GABRA2: variants seen among roughly 807,000 people sequenced by gnomAD.
The protein encoded by GABRA2 is gamma-aminobutyric acid receptor subunit alpha-2.
In GABRA2, 16 loss-of-function variants were observed where a neutral mutation model predicts 48.7. The observed-to-expected ratio is 0.33, with a 90% CI of 0.22 to 0.50. The LOEUF is 0.50. Among genes scored for constraint, GABRA2 ranks in the 20% least tolerant of loss-of-function variants. GABRA2 has a pLI of 0.98. For missense variants in GABRA2, 275 were observed against 535.6 expected (o/e 0.51, Z 4.80); for synonymous variants, 185 against 184.5 (o/e 1.00, Z -0.02).
intron 9 of GABRA2, among the ~76,000 whole-genome samples, chr4:46,253,827 GC>G (rs1308765513): frequency 4.0e-5 from 6 of 151,468 alleles, no homozygotes; most frequent in Non-Finnish European, 8.9e-5. Flanking sequence ...GCACAGCAAA[GC>G]TTTTCTGGCT....
intron 9 of GABRA2, among the ~76,000 whole-genome samples, chr4:46,252,271 T>C (rs1312192361): frequency 6.6e-6 from 1 of 151,492 alleles, no homozygotes; most frequent in Non-Finnish European, 1.5e-5. Context: ...TTTGTAACTT[T>C]GTAAAAGCTA....
intron 8 of GABRA2, 77 bp from the exon 9 acceptor site, chr4:46,262,205 C>T (rs1030947668): frequency 3.7e-6 from 4 of 1,091,410 alleles, no homozygotes; most frequent in East Asian, 2.5e-5. Context: ...TTTCTTTCTC[C>T]CTCCAGCCCC....
chr4:46,377,608 G>T (rs1180509083), intron 3 of GABRA2, among the ~76,000 whole-genome samples: 2 of 150,742 alleles, frequency 1.3e-5, no homozygotes, highest in Non-Finnish European at 3.0e-5. Context: ...GGAGGTGGGG[G>T]GTCAGCCCCC....
intron 8 of GABRA2, among the ~76,000 whole-genome samples, chr4:46,273,687 T>A (rs1398104788): frequency 6.6e-6 from 1 of 151,910 alleles, no homozygotes; most frequent in Non-Finnish European, 1.5e-5. Flanking sequence ...TATCTGTCAC[T>A]TAACGACTGT....
chr4:46,263,024 T>C (rs1013369176), intron 8 of GABRA2, among the ~76,000 whole-genome samples: 1 of 138,412 alleles, frequency 7.2e-6, no homozygotes, highest in Non-Finnish European at 1.5e-5. Context: ...TATGTTGCTT[T>C]CCTCTGAGAC....
chr4:46,372,806 T>C (rs940642805), intron 3 of GABRA2, among the ~76,000 whole-genome samples: 1 of 151,354 alleles, frequency 6.6e-6, no homozygotes, highest in Non-Finnish European at 1.5e-5. Context: ...CAGACAGAAG[T>C]ATGTAAAGTG....
chr4:46,310,102 C>T lies in GABRA2; in HGVS notation c.559+71G>A. 2 of 1,041,768 alleles carry T rather than the reference C, an allele frequency of 1.9e-6. 1 individual carries two copies. Among genetic ancestry groups the T allele is most frequent in the South Asian group, 2.9e-5 (2 of 69,542 alleles). 64.5% of individuals were successfully genotyped at this position (1,041,768 alleles called of 1,614,324 possible). On this transcript the variant is annotated intron_variant, in intron 6 of 9. Transcript: ENST00000381620. ...CTCATAATTTGAGAAAAAAACTAGA[C>T]AATTGAGCAGTGCTGCTGACTTTCC...
chr4:46,285,787 C>A (rs1462498298), intron 8 of GABRA2, among the ~76,000 whole-genome samples: 1 of 151,796 alleles, frequency 6.6e-6, no homozygotes, highest in African/African-American at 2.4e-5. Context: ...AAGTCATCTG[C>A]ATAAAATATT....
At chr4:46,283,685 C>A (rs1721966952) in intron 8 of GABRA2, among the ~76,000 whole-genome samples, 1 of 152,146 alleles carries the variant, frequency 6.6e-6, no homozygotes, top group Non-Finnish European at 1.5e-5. Context: ...AAACGAAATG[C>A]ATTTGAACTC....
intron 8 of GABRA2, among the ~76,000 whole-genome samples, chr4:46,290,969 T>C (rs1473683370): frequency 1.3e-5 from 2 of 152,192 alleles, no homozygotes; most frequent in African/African-American, 4.8e-5. Context: ...TTTTAATGTG[T>C]GGTTGGATTT....
chr4:46,275,966 T>C (rs904899906), intron 8 of GABRA2, among the ~76,000 whole-genome samples: 1 of 152,102 alleles, frequency 6.6e-6, no homozygotes, highest in African/African-American at 2.4e-5. Flanking sequence ...GCAGTGAAAG[T>C]AAATATTTTA....
At chr4:46,353,202 C>T (rs528223669) in intron 3 of GABRA2, among the ~76,000 whole-genome samples, 1 of 152,174 alleles carries the variant, frequency 6.6e-6, no homozygotes, top group South Asian at 2.1e-4. Context: ...CTCTTTCACA[C>T]CCATATCCAA....
Position 46,380,321 on chromosome 4 carries a change from T to G in GABRA2, c.187+5753A>C. Among the ~76,000 whole-genome samples, 2 of 152,196 alleles carry G rather than the reference T, an allele frequency of 1.3e-5. 1 individual carries two copies. The highest frequency in any genetic ancestry group is 2.9e-5 in the Non-Finnish European group (2 of 68,020). On this transcript the variant is annotated intron_variant, in intron 3 of 9. Transcript: ENST00000381620. Reference sequence around the variant, plus strand: ...CATGTACAAAGATGTGCCCACACAATAAGACTGAATGCATAAGAAACACAC... The same window carrying G: ...CATGTACAAAGATGTGCCCACACAAGAAGACTGAATGCATAAGAAACACAC...
chr4:46,383,331 C>A (rs1717016550), intron 3 of GABRA2, among the ~76,000 whole-genome samples: 1 of 152,134 alleles, frequency 6.6e-6, no homozygotes, highest in Non-Finnish European at 1.5e-5. Flanking sequence ...TACTAAATCT[C>A]CAGTCTAAAG....
At chr4:46,360,376 G>A (rs550117248) in intron 3 of GABRA2, among the ~76,000 whole-genome samples, 7 of 152,176 alleles carry the variant, frequency 4.6e-5, no homozygotes, top group Non-Finnish European at 8.8e-5. Context: ...TCATGATAGT[G>A]AATAAGTGTC....
rs150817119 is a variant in GABRA2 at position 46,359,684 on chromosome 4, G to A, written c.187+26390C>T. On this transcript the variant is annotated intron_variant, in intron 3 of 9. Transcript: ENST00000381620. Reference sequence around the variant, plus strand: ...AATCAAAACTTAAAGAATTGTAACCGAGGCAGACGGATCATGAGGTCAGGA... The same window carrying A: ...AATCAAAACTTAAAGAATTGTAACCAAGGCAGACGGATCATGAGGTCAGGA... Among the ~76,000 whole-genome samples, 35 of 151,952 alleles carry A rather than the reference G, an allele frequency of 2.3e-4. No homozygotes were observed. In the East Asian group the frequency reaches 5.8e-3, roughly 25 times the overall value.
At chr4:46,270,679 C>A (rs1719147253) in intron 8 of GABRA2, among the ~76,000 whole-genome samples, 1 of 151,982 alleles carries the variant, frequency 6.6e-6, no homozygotes, top group South Asian at 2.1e-4. Context: ...CATGCACAGA[C>A]AATACCTAAC....
chr4:46,259,040 C>T (rs1301348673), intron 9 of GABRA2, among the ~76,000 whole-genome samples: 2 of 151,724 alleles, frequency 1.3e-5, no homozygotes, highest in African/African-American at 4.8e-5. Context: ...GTAAATTAAG[C>T]ATATTAAGCA....
At chr4:46,361,923 A>C (rs1271734349) in intron 3 of GABRA2, among the ~76,000 whole-genome samples, 2 of 152,186 alleles carry the variant, frequency 1.3e-5, no homozygotes, top group African/African-American at 4.8e-5. Context: ...TGTTTTGGCC[A>C]ATTTCTCCCA....
Sources: gnomAD v4.1 joint callset for allele counts (sites outside exome capture counted in the v4.1 genomes callset) on GRCh38, gnomAD v4.1.1 for gene constraint, MANE v1.5 for transcripts, NCBI Gene and HGNC (gene_info 2026-07-23, HGNC 2026-07-21) for gene names.